The following ACVR1C variants were observed in gnomAD, a reference collection of about 807,000 sequenced individuals.
ACVR1C encodes activin receptor type-1C.
Under a neutral mutation model 57.9 loss-of-function variants are expected in ACVR1C, and 23 were observed. That is an observed-to-expected ratio of 0.40 (90% CI 0.29 to 0.56). The LOEUF (loss-of-function observed/expected upper bound fraction) is 0.56. ACVR1C is among the 20% of genes least tolerant of loss of function. The pLI, the probability that ACVR1C is intolerant of heterozygous loss-of-function variation, is 0.50. For synonymous variants in ACVR1C, 214 were observed against 215.3 expected (o/e 0.99, Z 0.05); for missense variants, 480 against 607.9 (o/e 0.79, Z 2.21).
intron 1 of ACVR1C, among the ~76,000 whole-genome samples, chr2:157,628,028 T>C (rs540790663): frequency 3.3e-5 from 5 of 152,274 alleles, no homozygotes; most frequent in African/African-American, 2.4e-5. Flanking sequence ...ACCACACAGA[T>C]TTAAGCTCCC....
chr2:157,535,458 G>T (rs1275800314), intron 8 of ACVR1C, among the ~76,000 whole-genome samples: 2 of 152,102 alleles, frequency 1.3e-5, no homozygotes, highest in Non-Finnish European at 2.9e-5. Context: ...AAAGGAAAGA[G>T]AAATACAAAA....
At chr2:157,555,963 TACCAGAGCTC>T (rs1688088954) in intron 3 of ACVR1C, 120 bp downstream of exon 3, 6 of 1,109,616 alleles carry the variant, frequency 5.4e-6, no homozygotes, top group Non-Finnish European at 5.0e-6. Context: ...GGAGTTCCTA[TACCAGAGCTC>T]ACCATGTATC....
At chr2:157,576,230 G>C (rs949721026) in intron 2 of ACVR1C, among the ~76,000 whole-genome samples, 3 of 116,422 alleles carry the variant, frequency 2.6e-5, no homozygotes, top group Non-Finnish European at 5.3e-5. Context: ...TTTTGGCGAC[G>C]GAGTCTCACT....
chr2:157,565,891 A>G (rs796434663), intron 2 of ACVR1C, among the ~76,000 whole-genome samples: 8 of 152,356 alleles, frequency 5.3e-5, no homozygotes, highest in African/African-American at 1.9e-4. Context: ...GAATTTAAGA[A>G]GAATAACATT....
chr2:157,572,316 T>C (rs1329496336), intron 2 of ACVR1C, among the ~76,000 whole-genome samples: 1 of 146,622 alleles, frequency 6.8e-6, no homozygotes, highest in Non-Finnish European at 1.5e-5. Context: ...TGTATACATA[T>C]GTAACTAACC....
chr2:157,563,995 C>G (rs1009668537), intron 2 of ACVR1C, among the ~76,000 whole-genome samples: 1 of 152,100 alleles, frequency 6.6e-6, no homozygotes, highest in African/African-American at 2.4e-5. Context: ...AAATGTAAAA[C>G]CAAAAACCAT....
chr2:157,605,916 T>C (rs1459376353), intron 1 of ACVR1C, among the ~76,000 whole-genome samples: 1 of 151,620 alleles, frequency 6.6e-6, no homozygotes, highest in Non-Finnish European at 1.5e-5. Context: ...AATTATATGT[T>C]TGCACCCATT....
chr2:157,590,753 T>G (rs959446541), intron 1 of ACVR1C, among the ~76,000 whole-genome samples: 1 of 151,972 alleles, frequency 6.6e-6, no homozygotes, highest in Non-Finnish European at 1.5e-5. Flanking sequence ...CAAGGCACTT[T>G]CCTTGCAAAA....
intron 1 of ACVR1C, among the ~76,000 whole-genome samples, chr2:157,610,699 C>T (rs1246956136): frequency 1.3e-5 from 2 of 152,050 alleles, no homozygotes; most frequent in Non-Finnish European, 2.9e-5. Flanking sequence ...TTTATTGTGT[C>T]CCATATATTA....
chr2:157,558,480 T>G (rs1166644219), intron 2 of ACVR1C, among the ~76,000 whole-genome samples: 1 of 152,220 alleles, frequency 6.6e-6, no homozygotes. Context: ...TCCTCACAAA[T>G]GTGTTCATAG....
At chr2:157,601,103 A>T (rs2105139831) in intron 1 of ACVR1C, among the ~76,000 whole-genome samples, 1 of 152,250 alleles carries the variant, frequency 6.6e-6, no homozygotes, top group African/African-American at 2.4e-5. Context: ...GGATCACTTG[A>T]GGTCAGGAGT....
intron 1 of ACVR1C, among the ~76,000 whole-genome samples, chr2:157,625,212 C>G (rs1682870195): frequency 6.6e-6 from 1 of 152,196 alleles, no homozygotes; most frequent in African/African-American, 2.4e-5. Context: ...ACCAACCCTT[C>G]TCTCCCCAGA....
rs1267703454 is a variant in ACVR1C, at chr2:157,530,227, C to T, written c.*3691G>A. 6.6e-6 allele frequency: 1 copy of T among 152,062 alleles called. No individual in the cohort carries two copies. The highest frequency in any genetic ancestry group is 1.5e-5 in the Non-Finnish European group (1 of 67,968). 9.4% of individuals were successfully genotyped at this position (152,062 alleles called of 1,614,324 possible). A position where few individuals can be genotyped will look rare whatever the true frequency, so the allele number is the denominator to read the frequency against. On this transcript the variant is annotated 3_prime_UTR_variant, in exon 9 of 9. Coordinates refer to ENST00000243349, the MANE Select transcript of ACVR1C (RefSeq NM_145259.3). ...TGGTACTGCTACTTTCTTAATTTTC[C>T]AGTGGGAAATAAAATTTGTATATTT...
intron 7 of ACVR1C, among the ~76,000 whole-genome samples, chr2:157,539,731 G>T (rs1245687610): frequency 1.3e-5 from 2 of 152,190 alleles, no homozygotes; most frequent in Non-Finnish European, 2.9e-5. Flanking sequence ...CTGAAGCACA[G>T]AATGCTATGA....
intron 1 of ACVR1C, among the ~76,000 whole-genome samples, chr2:157,599,685 T>C (rs1682238450): frequency 6.6e-6 from 1 of 152,224 alleles, no homozygotes. Flanking sequence ...CCTTGATGAT[T>C]AACTCTGGAT....
At chr2:157,539,511 T>G (rs1687570083) in intron 7 of ACVR1C, among the ~76,000 whole-genome samples, 1 of 152,220 alleles carries the variant, frequency 6.6e-6, no homozygotes, top group Admixed American at 6.5e-5. Flanking sequence ...AAATTACTAT[T>G]TTTACAGTTG....
At chr2:157,601,039 C>T (rs980699465) in intron 1 of ACVR1C, among the ~76,000 whole-genome samples, 5 of 152,128 alleles carry the variant, frequency 3.3e-5, no homozygotes, top group Admixed American at 6.5e-5. Flanking sequence ...GGTTACCGGC[C>T]GGCTGCGGTA....
intron 1 of ACVR1C, among the ~76,000 whole-genome samples, chr2:157,592,673 G>A (rs1023400909): frequency 2.6e-5 from 4 of 152,016 alleles, no homozygotes; most frequent in Non-Finnish European, 4.4e-5. Flanking sequence ...CACTGCATTT[G>A]ACATATAATT....
intron 1 of ACVR1C, among the ~76,000 whole-genome samples, chr2:157,622,106 C>T (rs1453385745): frequency 1.3e-5 from 2 of 152,082 alleles, no homozygotes; most frequent in Non-Finnish European, 2.9e-5. Flanking sequence ...ATTTCTTAAA[C>T]ATACTATCCC....
Sources: allele counts gnomAD v4.1 joint callset (sites outside exome capture counted in the v4.1 genomes callset), GRCh38; gene constraint gnomAD v4.1.1; transcripts MANE v1.5; gene names NCBI Gene and HGNC (gene_info 2026-07-23, HGNC 2026-07-21).